Variants in RNF130 observed in about 807,000 individuals in gnomAD.
RNF130 encodes the protein E3 ubiquitin-protein ligase RNF130.
Under a neutral mutation model 44.6 loss-of-function variants are expected in RNF130, and 21 were observed. That is an observed-to-expected ratio of 0.47 (90% CI 0.33 to 0.68). The LOEUF (loss-of-function observed/expected upper bound fraction) is 0.68, where lower values mean the gene tolerates loss of function less well. RNF130 is among the 30% of genes least tolerant of loss of function. The pLI is 0.02. For missense variants in RNF130, 479 were observed against 560.6 expected (o/e 0.85, Z 1.47); for synonymous variants, 214 against 210.4 (o/e 1.02, Z -0.15).
At chr5:180,002,226 C>T (rs539407893) in intron 3 of RNF130, among the ~76,000 whole-genome samples, 63 of 152,286 alleles carry the variant, frequency 4.1e-4, no homozygotes, top group Admixed American at 9.8e-4. Flanking sequence ...TACTGTTTTC[C>T]CAAAAGGCAG....
chr5:179,928,038 C>T (rs552606951), intron 7 of RNF130, among the ~76,000 whole-genome samples: 5 of 152,172 alleles, frequency 3.3e-5, no homozygotes, highest in Non-Finnish European at 5.9e-5. Context: ...TCCTTTTCAC[C>T]GCCGCATCAT....
rs779255046 is a variant in RNF130, at chr5:180,071,626, C to T, written c.77G>A (p.Arg26Gln). The T allele has an allele frequency of 4.0e-6, 6 of 1,501,610 alleles. No individual in the cohort carries two copies. Among genetic ancestry groups the T allele is most frequent in the East Asian group, 2.8e-5 (1 of 36,356 alleles). The allele number at this position is 1,501,610 out of a possible 1,614,324, so 93.0% of individuals were successfully genotyped here. A position where few individuals can be genotyped will look rare whatever the true frequency, so the allele number is the denominator to read the frequency against. The change falls in exon 1 of 9, where the codon CGG becomes CAG. Residue 26 changes from arginine to glutamine, a missense_variant. Transcript: ENST00000521389. The part of the protein sequence containing the change: ...ALLTCSLWPA[R>Q]ADNASQEYYT... The stretch of plus-strand genomic sequence containing the variant: ...GTACTCCTGGCTCGCGTTGTCTGCC[C>T]GTGCCGGCCACAGGCTGCAGGTCAG...
intron 1 of RNF130, among the ~76,000 whole-genome samples, chr5:180,063,120 C>T (rs954634019): frequency 6.6e-6 from 1 of 152,052 alleles, no homozygotes; most frequent in East Asian, 1.9e-4. Context: ...AGGATGATGA[C>T]GAGCCACTGC....
At chr5:179,920,796 T>TA (rs200144083) in intron 7 of RNF130, among the ~76,000 whole-genome samples, 9,292 of 108,548 alleles carry the variant, frequency 0.086, 533 homozygotes, top group African/African-American at 0.32. Context: ...TATATATATA[T>TA]TTTTTTTTTT....
At chr5:179,929,505 T>C (rs887645737) in intron 7 of RNF130, among the ~76,000 whole-genome samples, 1 of 152,172 alleles carries the variant, frequency 6.6e-6, no homozygotes, top group African/African-American at 2.4e-5. Flanking sequence ...CTCAGCACTT[T>C]AGGAGGCCAA....
chr5:179,935,375 A>G (rs1042794003), intron 7 of RNF130, among the ~76,000 whole-genome samples: 1 of 152,170 alleles, frequency 6.6e-6, no homozygotes, highest in African/African-American at 2.4e-5. Context: ...TGTTAATTAC[A>G]TCTTGTCTGT....
intron 1 of RNF130, among the ~76,000 whole-genome samples, chr5:180,042,289 G>A (rs1764438039): frequency 6.6e-6 from 1 of 152,210 alleles, no homozygotes; most frequent in African/African-American, 2.4e-5. Flanking sequence ...TGCACCAAGA[G>A]TGTATTTGCT....
intron 3 of RNF130, among the ~76,000 whole-genome samples, chr5:180,011,367 A>G (rs1371933642): frequency 1.3e-5 from 2 of 152,224 alleles, no homozygotes; most frequent in African/African-American, 2.4e-5. Context: ...TAACCACACT[A>G]TGGTTATGTA....
At chr5:180,027,766 G>T (rs1001617057) in intron 2 of RNF130, among the ~76,000 whole-genome samples, 4 of 152,154 alleles carry the variant, frequency 2.6e-5, no homozygotes, top group African/African-American at 9.7e-5. Flanking sequence ...AATGCTTCCT[G>T]CTGGTTTTCC....
intron 1 of RNF130, among the ~76,000 whole-genome samples, chr5:180,046,690 C>G (rs1258751919): frequency 6.6e-6 from 1 of 152,208 alleles, no homozygotes; most frequent in Non-Finnish European, 1.5e-5. Flanking sequence ...TCCCACCACT[C>G]TTGCTCACCA....
chr5:180,055,690 C>T (rs1764802721), intron 1 of RNF130, among the ~76,000 whole-genome samples: 1 of 152,204 alleles, frequency 6.6e-6, no homozygotes, highest in South Asian at 2.1e-4. Context: ...AATTGTCCCT[C>T]ATCAAATGGA....
intron 1 of RNF130, among the ~76,000 whole-genome samples, chr5:180,055,248 C>CAAAA (rs1205914690): frequency 1.7e-3 from 36 of 20,956 alleles, no homozygotes; most frequent in East Asian, 0.014. Context: ...GGTTCTGTCT[C>CAAAA]AAAAAAAAAA....
At chr5:180,070,876 T>A (rs1765239468) in intron 1 of RNF130, among the ~76,000 whole-genome samples, 2 of 152,152 alleles carry the variant, frequency 1.3e-5, no homozygotes, top group Non-Finnish European at 2.9e-5. Context: ...CCGATTAGTG[T>A]CAGATCCTCA....
At chr5:180,028,950 T>C (rs1207174673) in intron 2 of RNF130, among the ~76,000 whole-genome samples, 4 of 152,164 alleles carry the variant, frequency 2.6e-5, no homozygotes, top group South Asian at 2.1e-4. Flanking sequence ...ATAAGAAAAA[T>C]TGTACAACTG....
chr5:180,064,168 C>A (rs934793352), intron 1 of RNF130, among the ~76,000 whole-genome samples: 1 of 152,214 alleles, frequency 6.6e-6, no homozygotes, highest in African/African-American at 2.4e-5. Context: ...GTAGCTTTCC[C>A]TGATTTCAGA....
chr5:179,988,344 A>C (rs1434250748), intron 3 of RNF130, among the ~76,000 whole-genome samples: 4 of 151,898 alleles, frequency 2.6e-5, no homozygotes, highest in African/African-American at 7.3e-5. Context: ...CTATTGAAAA[A>C]CCAAATTTCA....
chr5:179,987,221 G>A (rs1050281842), intron 3 of RNF130, among the ~76,000 whole-genome samples: 1 of 151,884 alleles, frequency 6.6e-6, no homozygotes, highest in Non-Finnish European at 1.5e-5. Flanking sequence ...AGGCTGGAGT[G>A]TAGTGGTGTG....
rs767727843 is a variant in RNF130, at chr5:179,963,443, T to C, written c.1244+28A>G. On this transcript the variant is annotated intron_variant, in intron 8 of 8. Coordinates refer to ENST00000521389, the MANE Select transcript of RNF130 (RefSeq NM_018434.6). Reference sequence around the variant, plus strand: ...TGTTTTCCTGGGATCATCTGGCACATGCAATCCAAAAACAATTTGTTACTT... The same window carrying C: ...TGTTTTCCTGGGATCATCTGGCACACGCAATCCAAAAACAATTTGTTACTT... 1.3e-5 allele frequency: 21 copies of C among 1,558,548 alleles called. No homozygotes were observed. In the East Asian group the frequency reaches 3.4e-4, roughly 25 times the overall value.
chr5:180,004,843 C>A (rs1288512522), intron 3 of RNF130, among the ~76,000 whole-genome samples: 1 of 152,180 alleles, frequency 6.6e-6, no homozygotes, highest in Non-Finnish European at 1.5e-5. Flanking sequence ...TTTGTAAACA[C>A]TGGTGAAATC....
Sources: gnomAD v4.1 joint callset for allele counts (sites outside exome capture counted in the v4.1 genomes callset) on GRCh38, gnomAD v4.1.1 for gene constraint, MANE v1.5 for transcripts, NCBI Gene and HGNC (gene_info 2026-07-23, HGNC 2026-07-21) for gene names.